Variants in RPAP2 observed in about 807,000 individuals in gnomAD.
RPAP2 encodes the protein RNA polymerase II associated protein 2, also known as putative RNA polymerase II subunit B1 CTD phosphatase RPAP2.
In RPAP2, 52 loss-of-function variants were observed where a neutral mutation model predicts 73.1. The ratio of observed to expected loss-of-function variants is 0.71; its 90% confidence interval spans 0.57 to 0.90. The LOEUF (loss-of-function observed/expected upper bound fraction) is 0.90, where lower values mean the gene tolerates loss of function less well. Ranked by LOEUF, RPAP2 falls within the 40% of genes least tolerant of loss-of-function variation. The probability of loss-of-function intolerance (pLI) is 0.00; values close to 1 mark genes in which losing one functional copy is unlikely to be tolerated. For synonymous variants in RPAP2, 225 were observed against 242.1 expected, an observed-to-expected ratio of 0.93 and a Z score of 0.65; for missense variants, 598 against 701.8, an observed-to-expected ratio of 0.85 and a Z score of 1.67.
At chr1:92,361,077 C>A (rs1654708515) in intron 11 of RPAP2, among the ~76,000 whole-genome samples, 2 of 142,594 alleles carry the variant, frequency 1.4e-5, no homozygotes, top group African/African-American at 2.6e-5. Flanking sequence ...AAGCAAAAAG[C>A]ATATATATAT....
chr1:92,338,551 G>T (rs568900028), intron 10 of RPAP2, among the ~76,000 whole-genome samples: 1 of 152,236 alleles, frequency 6.6e-6, no homozygotes, highest in African/African-American at 2.4e-5. Flanking sequence ...TGAAGTTTAG[G>T]ATTTGTTCAG....
intron 11 of RPAP2, among the ~76,000 whole-genome samples, chr1:92,349,592 C>T (rs1654094653): frequency 6.6e-6 from 1 of 151,610 alleles, no homozygotes; most frequent in African/African-American, 2.4e-5. Flanking sequence ...AAGCCATCTT[C>T]TCCTGGTGAC....
At chr1:92,356,892 G>A (rs949368156) in intron 11 of RPAP2, among the ~76,000 whole-genome samples, 2 of 151,802 alleles carry the variant, frequency 1.3e-5, no homozygotes, top group Non-Finnish European at 2.9e-5. Context: ...GTTAAAGTAT[G>A]TCTCTCCTAA....
At chr1:92,327,548 T>A (rs1194286739) in intron 8 of RPAP2, among the ~76,000 whole-genome samples, 2 of 152,244 alleles carry the variant, frequency 1.3e-5, no homozygotes, top group Non-Finnish European at 2.9e-5. Context: ...ATGTGAATCC[T>A]TATGTGTCAG....
Position 92,390,768 on chromosome 1 carries a change from T to C in RPAP2, c.*3757T>C, listed in dbSNP as rs570018810. On this transcript the variant is annotated 3_prime_UTR_variant, in exon 13 of 13. Coordinates refer to ENST00000610020, the MANE Select transcript of RPAP2 (RefSeq NM_024813.3). The stretch of plus-strand genomic sequence containing the variant: ...TCCTAGTCTCTGATAAAACAGACTT[T>C]AAACCAACAAAGATCAAAAGAGACA... The C allele has an allele frequency of 6.6e-6, 1 of 152,126 alleles. No homozygotes were observed. The highest frequency in any genetic ancestry group is 2.4e-5 in the African/African-American group (1 of 41,440). The allele number at this position is 152,126 out of a possible 1,614,324, so 9.4% of individuals were successfully genotyped here. A position where few individuals can be genotyped will look rare whatever the true frequency, so the allele number is the denominator to read the frequency against.
chr1:92,305,761 A>G (rs1337460215), intron 5 of RPAP2, among the ~76,000 whole-genome samples: 1 of 152,226 alleles, frequency 6.6e-6, no homozygotes, highest in African/African-American at 2.4e-5. Flanking sequence ...TCAGAGAAAT[A>G]GCAAATAAAA....
In RPAP2 at chr1:92,390,672, T is replaced by TA. The variant is rs1206609514; in HGVS notation, c.*3662dup. On this transcript the variant is annotated 3_prime_UTR_variant, in exon 13 of 13. Transcript: ENST00000610020. Reference sequence around the variant, plus strand: ...CCCATCTCATGTGCAAAGACACACATAGGCTCAGAATAAAAGGATGTAGGA... The same window carrying TA: ...CCCATCTCATGTGCAAAGACACACATAAGGCTCAGAATAAAAGGATGTAGGA... 6.6e-6 allele frequency: 1 copy of TA among 152,086 alleles called. No individual in the cohort carries two copies. Among genetic ancestry groups the TA allele is most frequent in the Non-Finnish European group, 1.5e-5 (1 of 68,012 alleles). The allele number at this position is 152,086 out of a possible 1,614,324, so 9.4% of individuals were successfully genotyped here.
intron 8 of RPAP2, among the ~76,000 whole-genome samples, chr1:92,329,110 T>A (rs1652812352): frequency 6.6e-6 from 1 of 152,222 alleles, no homozygotes; most frequent in Non-Finnish European, 1.5e-5. Context: ...TTGTGTTGGT[T>A]GGCCTTCAGC....
chr1:92,371,940 AC>A (rs1655174902), intron 11 of RPAP2, among the ~76,000 whole-genome samples: 1 of 151,466 alleles, frequency 6.6e-6, no homozygotes, highest in Non-Finnish European at 1.5e-5. Context: ...GAAGTATCTT[AC>A]ACCTAGAAAG....
At chr1:92,362,518 G>A (rs1398986148) in intron 11 of RPAP2, among the ~76,000 whole-genome samples, 1 of 152,138 alleles carries the variant, frequency 6.6e-6, no homozygotes, top group Non-Finnish European at 1.5e-5. Context: ...TTGGCTGTTT[G>A]TCATTTTAGT....
chr1:92,400,458 T>G lies in RPAP2; in HGVS notation c.*13447T>G, dbSNP rs1199421557. 6.6e-6 allele frequency: 1 copy of G among 152,312 alleles called. No individual in the cohort carries two copies. The highest frequency in any genetic ancestry group is 1.5e-5 in the Non-Finnish European group (1 of 68,134). The allele number at this position is 152,312 out of a possible 1,614,324, so 9.4% of individuals were successfully genotyped here. On this transcript the variant is annotated 3_prime_UTR_variant, in exon 13 of 13. Transcript: ENST00000610020. ...CCTCAACCTCCAGAGTATCTGGGACTATAGGCACGTACCACCATACCCAGC... is the reference window on the plus strand; with the variant it reads ...CCTCAACCTCCAGAGTATCTGGGACGATAGGCACGTACCACCATACCCAGC...
chr1:92,350,978 A>G (rs1028311264), intron 11 of RPAP2, among the ~76,000 whole-genome samples: 7 of 151,832 alleles, frequency 4.6e-5, no homozygotes, highest in African/African-American at 1.7e-4. Flanking sequence ...TATATACTCT[A>G]CTGTGTAAAG....
rs1656144629 is a variant in RPAP2 at position 92,394,798 on chromosome 1, A to T, written c.*7787A>T. The T allele has an allele frequency of 6.6e-6, 1 of 152,208 alleles. No homozygotes were observed. The highest frequency in any genetic ancestry group is 1.5e-5 in the Non-Finnish European group (1 of 68,050). The allele number at this position is 152,208 out of a possible 1,614,324, so 9.4% of individuals were successfully genotyped here. ...CTACAATGCAATCCCTATCAAAATC[A>T]CAGCAGGCTTTTTTGAAAAATTGAC... is the stretch of plus-strand genomic sequence containing the variant. On this transcript the variant is annotated 3_prime_UTR_variant, in exon 13 of 13. Transcript: ENST00000610020.
At chr1:92,327,988 G>A (rs1372410382) in intron 8 of RPAP2, among the ~76,000 whole-genome samples, 1 of 152,162 alleles carries the variant, frequency 6.6e-6, no homozygotes, top group Admixed American at 6.5e-5. Flanking sequence ...GGACTCCAAT[G>A]TCTTCTAGCT....
In RPAP2 at chr1:92,324,079, T is replaced by C. The variant is rs773057407; in HGVS notation, c.1159T>C (p.Tyr387His). Residue 387 changes from tyrosine (Y) to histidine (H), a missense_variant, in exon 8 of 13, where the codon TAT (tyrosine) becomes CAT (histidine). Physicochemically the swap from Tyr to His is moderately conservative, Grantham distance 83 (BLOSUM62 2). This residue lies in a region of RPAP2 where 506 missense variants were observed against 612.8 expected (regional missense o/e 0.83). Coordinates refer to ENST00000610020, the MANE Select transcript of RPAP2 (RefSeq NM_024813.3). ...GACAGAAGAAACATTGAGGTTTTTG[T>C]ATGGCCAGAATTATGCTTCTGTGTG... ...WKTEETLRFL[Y>H]GQNYASVCLK... 287 of 1,613,946 alleles carry C rather than the reference T, an allele frequency of 1.8e-4. No homozygotes were observed. The highest frequency in any genetic ancestry group is 2.4e-4 in the Non-Finnish European group (284 of 1,179,966).
intron 2 of RPAP2, among the ~76,000 whole-genome samples, 155 bp downstream of exon 2, chr1:92,300,394 A>G (rs979002432): frequency 6.6e-6 from 1 of 152,076 alleles, no homozygotes; most frequent in Non-Finnish European, 1.5e-5. Context: ...ATTCTCACAT[A>G]GACTGTTACA....
rs1571082104 is a variant in RPAP2, at chr1:92,336,501, CAGAG to C, written c.1619+76_1619+79del. 1.1e-5 allele frequency: 11 copies of C among 1,000,880 alleles called. No homozygotes were observed. The East Asian group carries it at 2.7e-4, about 24-fold the overall frequency. The allele number at this position is 1,000,880 out of a possible 1,614,324, so 62.0% of individuals were successfully genotyped here. A position where few individuals can be genotyped will look rare whatever the true frequency, so the allele number is the denominator to read the frequency against. Reference sequence around the variant, plus strand: ...TATTGCCTTGCAGAATCCAAAGGCACAGAGAAAGTAAGTGACTTACCTTTCAATG... The same window carrying C: ...TATTGCCTTGCAGAATCCAAAGGCACAAAGTAAGTGACTTACCTTTCAATG... On this transcript the variant is annotated intron_variant, in intron 10 of 12. Transcript: ENST00000610020.
chr1:92,320,066 G>A (rs999243750), intron 6 of RPAP2, among the ~76,000 whole-genome samples: 2 of 152,046 alleles, frequency 1.3e-5, no homozygotes, highest in African/African-American at 4.8e-5. Context: ...GGCCATAAAG[G>A]AGTTCATGAT....
rs1417746743 is a variant in RPAP2 at position 92,336,331 on chromosome 1, A to T, written c.1539-16A>T. 6.3e-7 allele frequency: 1 copy of T among 1,581,870 alleles called. No homozygotes were observed. The highest frequency in any genetic ancestry group is 1.4e-5 in the African/African-American group (1 of 73,716). On this transcript the variant is annotated splice_polypyrimidine_tract_variant and intron_variant, in intron 9 of 12. Transcript: ENST00000610020. ...ATAATTTTGTTTTAAAATAAATGTA[A>T]TTTTTAAATTTTCAGGTTGCCTGGG...
Sources: allele counts gnomAD v4.1 joint callset (sites outside exome capture counted in the v4.1 genomes callset), GRCh38; gene constraint gnomAD v4.1.1; regional missense constraint gnomAD v4.1.1; transcripts MANE v1.5; gene names NCBI Gene and HGNC (gene_info 2026-07-23, HGNC 2026-07-21).